RC3H2: variants seen among roughly 807,000 people sequenced by gnomAD.
RC3H2 encodes the protein roquin-2.
RC3H2 carries 31 observed loss-of-function variants against 133.3 expected under a neutral mutation model. That is an observed-to-expected ratio of 0.23 (90% CI 0.17 to 0.31). The LOEUF is 0.31. Among genes scored for constraint, RC3H2 ranks in the 10% least tolerant of loss-of-function variants. The pLI, the probability that RC3H2 is intolerant of heterozygous loss-of-function variation, is 1.00. For missense variants in RC3H2, 1,175 were observed against 1,437.2 expected, an observed-to-expected ratio of 0.82 and a Z score of 2.95; for synonymous variants, 517 against 502.2, an observed-to-expected ratio of 1.03 and a Z score of -0.40.
chr9:122,853,019 T>G (rs1456691988), intron 18 of RC3H2, among the ~76,000 whole-genome samples: 1 of 152,190 alleles, frequency 6.6e-6, no homozygotes, highest in Non-Finnish European at 1.5e-5. Flanking sequence ...GGGAGACTTT[T>G]CATTTTGTTC....
rs1381983339 is a variant in RC3H2, at chr9:122,858,070, G to C, written c.2307C>G (p.Thr769=). Residue 769 remains threonine, a synonymous_variant, in exon 13 of 21, where the codon ACC becomes ACG. Transcript: ENST00000357244. ...TTCTTCTTATCTGCTCCTCGCAACTGGTCTTCAAATGACCACAAGGTTCCT... is the reference window on the plus strand; with the variant it reads ...TTCTTCTTATCTGCTCCTCGCAACTCGTCTTCAAATGACCACAAGGTTCCT... ...LPREPCGHLK[T]SCEEQIRRKP... 3 of 1,614,096 alleles carry C rather than the reference G, an allele frequency of 1.9e-6. No homozygotes were observed. Among genetic ancestry groups the C allele is most frequent in the South Asian group, 1.1e-5 (1 of 91,068 alleles).
rs1263187337 is a variant in RC3H2, at chr9:122,847,272, T to A, written c.*2355A>T. On this transcript the variant is annotated 3_prime_UTR_variant, in exon 21 of 21. Transcript: ENST00000357244. Reference sequence around the variant, plus strand: ...TTAAAATTAAAAAGATAAGGTTAAATACACAAGATCAATTTATGTAGTATA... The same window carrying A: ...TTAAAATTAAAAAGATAAGGTTAAAAACACAAGATCAATTTATGTAGTATA... 2 of 152,066 alleles carry A rather than the reference T, an allele frequency of 1.3e-5. No individual in the cohort carries two copies. The highest frequency in any genetic ancestry group is 6.5e-5 in the Admixed American group (1 of 15,274). The allele number at this position is 152,066 out of a possible 1,614,324, so 9.4% of individuals were successfully genotyped here.
chr9:122,891,254 C>T (rs1832156708), intron 3 of RC3H2, among the ~76,000 whole-genome samples: 1 of 151,998 alleles, frequency 6.6e-6, no homozygotes, highest in African/African-American at 2.4e-5. Context: ...AATTCCTGAC[C>T]CCAAATGATC....
At chr9:122,887,994 C>T (rs1036996544) in intron 4 of RC3H2, among the ~76,000 whole-genome samples, 1 of 152,120 alleles carries the variant, frequency 6.6e-6, no homozygotes, top group African/African-American at 2.4e-5. Flanking sequence ...ATCCACCCGC[C>T]TCGGCCTCCC....
intron 9 of RC3H2, among the ~76,000 whole-genome samples, chr9:122,875,952 AATC>A (rs1455748752): frequency 6.6e-6 from 1 of 152,192 alleles, no homozygotes; most frequent in Non-Finnish European, 1.5e-5. Flanking sequence ...GGTATGAGTA[AATC>A]TGTGCTTTTA....
chr9:122,898,609 C>T (rs758808115), intron 1 of RC3H2, among the ~76,000 whole-genome samples: 8 of 151,980 alleles, frequency 5.3e-5, no homozygotes, highest in Non-Finnish European at 1.0e-4. Context: ...ATTAGCCAGA[C>T]GTGGTGGCAC....
In RC3H2 at chr9:122,848,407, T is replaced by C. The variant is rs1033881718; in HGVS notation, c.*1220A>G. The C allele has an allele frequency of 2.6e-5, 4 of 152,216 alleles. No individual in the cohort carries two copies. The highest frequency in any genetic ancestry group is 6.5e-5 in the Admixed American group (1 of 15,290). 9.4% of individuals were successfully genotyped at this position (152,216 alleles called of 1,614,324 possible). A position where few individuals can be genotyped will look rare whatever the true frequency, so the allele number is the denominator to read the frequency against. On this transcript the variant is annotated 3_prime_UTR_variant, in exon 21 of 21. Coordinates refer to ENST00000357244, the MANE Select transcript of RC3H2 (RefSeq NM_001100588.3). ...CAATACCTCCCACAAATCTGATGCA[T>C]GACTTGTTGAACACATTGTATACTT...
At chr9:122,904,240 G>T (rs1046484690) in intron 1 of RC3H2, among the ~76,000 whole-genome samples, 39 of 152,130 alleles carry the variant, frequency 2.6e-4, no homozygotes, top group African/African-American at 9.2e-4. Flanking sequence ...GGAACCCAAG[G>T]GTTATGAAAA....
intron 1 of RC3H2, among the ~76,000 whole-genome samples, chr9:122,900,490 T>C (rs138847210): frequency 9.8e-5 from 15 of 152,290 alleles, no homozygotes; most frequent in Non-Finnish European, 1.6e-4. Flanking sequence ...ACAGGCACTT[T>C]GTAAACATTT....
intron 3 of RC3H2, among the ~76,000 whole-genome samples, chr9:122,891,614 A>T (rs1252416349): frequency 6.6e-6 from 1 of 152,124 alleles, no homozygotes; most frequent in Non-Finnish European, 1.5e-5. Flanking sequence ...CTCCTTTAAA[A>T]CACATTATTT....
intron 1 of RC3H2, among the ~76,000 whole-genome samples, chr9:122,902,178 G>A (rs552445997): frequency 8.1e-4 from 123 of 151,922 alleles, no homozygotes; most frequent in Non-Finnish European, 8.7e-4. Context: ...TGATCCACCC[G>A]CCTCAGCCTT....
At position 122,855,164 on chromosome 9, in the gene RC3H2, G is replaced by T; in HGVS notation, c.2815+20C>A. 1 of 1,520,462 alleles carries T rather than the reference G, an allele frequency of 6.6e-7. No individual in the cohort carries two copies. Among genetic ancestry groups the T allele is most frequent in the Non-Finnish European group, 9.1e-7 (1 of 1,095,538 alleles). 94.2% of individuals were successfully genotyped at this position (1,520,462 alleles called of 1,614,324 possible). A position where few individuals can be genotyped will look rare whatever the true frequency, so the allele number is the denominator to read the frequency against. ...TAGTGCTTAGAACATATCAGGCTAGGTATTATCTAAATGGATTACCTGATA... is the reference window on the plus strand; with the variant it reads ...TAGTGCTTAGAACATATCAGGCTAGTTATTATCTAAATGGATTACCTGATA... On this transcript the variant is annotated intron_variant, in intron 15 of 20. Coordinates refer to ENST00000357244, the MANE Select transcript of RC3H2 (RefSeq NM_001100588.3).
intron 9 of RC3H2, among the ~76,000 whole-genome samples, chr9:122,866,640 C>T (rs958705560): frequency 6.6e-5 from 10 of 152,110 alleles, no homozygotes; most frequent in Non-Finnish European, 1.5e-4. Flanking sequence ...CTCCTAGCCG[C>T]GAGTGATCCG....
intron 1 of RC3H2, among the ~76,000 whole-genome samples, chr9:122,902,610 G>A (rs986845701): frequency 4.6e-5 from 7 of 152,002 alleles, no homozygotes; most frequent in South Asian, 2.1e-4. Flanking sequence ...TTTGGGAGGC[G>A]GAGGCGGGAG....
At chr9:122,867,091 C>A (rs1392611155) in intron 9 of RC3H2, among the ~76,000 whole-genome samples, 23 of 136,696 alleles carry the variant, frequency 1.7e-4, no homozygotes, top group African/African-American at 6.0e-4. Flanking sequence ...TCTGCCCAGC[C>A]GCCCCGTCTG....
chr9:122,896,137 A>C (rs1008537874), intron 2 of RC3H2, among the ~76,000 whole-genome samples: 6 of 111,000 alleles, frequency 5.4e-5, no homozygotes, highest in Admixed American at 4.8e-4. Context: ...AAAAAAAAAA[A>C]ACTTTACGAA....
At chr9:122,868,457 C>A (rs1220442408) in intron 9 of RC3H2, among the ~76,000 whole-genome samples, 1 of 151,632 alleles carries the variant, frequency 6.6e-6, no homozygotes, top group Non-Finnish European at 1.5e-5. Flanking sequence ...ACCCTGTGCT[C>A]TCTGAAACAT....
intron 12 of RC3H2, 80 bp from the exon 13 acceptor site, chr9:122,858,173 G>C (rs1457868222): frequency 1.5e-6 from 2 of 1,310,468 alleles, no homozygotes; most frequent in African/African-American, 2.9e-5. Context: ...GATGTAAACA[G>C]TTTATGATAT....
intron 2 of RC3H2, among the ~76,000 whole-genome samples, chr9:122,895,191 C>T (rs1564319278): frequency 6.7e-6 from 1 of 149,572 alleles, no homozygotes. Context: ...CAGGGTCTCA[C>T]TCCCATCACC....
Sources: gnomAD v4.1 joint callset for allele counts (sites outside exome capture counted in the v4.1 genomes callset) on GRCh38, gnomAD v4.1.1 for gene constraint, MANE v1.5 for transcripts, NCBI Gene and HGNC (gene_info 2026-07-23, HGNC 2026-07-21) for gene names.